The following ADGRV1 variants were observed in gnomAD, a reference collection of about 807,000 sequenced individuals.
ADGRV1 encodes the protein adhesion G protein-coupled receptor V1, also known as G-protein coupled receptor 98.
Under a neutral mutation model 596.2 loss-of-function variants are expected in ADGRV1, and 359 were observed. The ratio of observed to expected loss-of-function variants is 0.60; its 90% confidence interval spans 0.55 to 0.66. ADGRV1 has a LOEUF of 0.66. ADGRV1 is among the 30% of genes least tolerant of loss of function. The pLI, the probability that ADGRV1 is intolerant of heterozygous loss-of-function variation, is 0.00. For synonymous variants in ADGRV1, 2,681 were observed against 2,679.2 expected (o/e 1.00, Z -0.02); for missense variants, 7,274 against 7,575.6 (o/e 0.96, Z 1.48).
Position 90,750,721 on chromosome 5 carries a change from G to A in ADGRV1, c.11121+24G>A. The A allele has an allele frequency of 2.5e-6, 4 of 1,590,176 alleles. No homozygotes were observed. The South Asian group carries it at 4.4e-5, about 18-fold the overall frequency. ...TGGTATGTAATTTACAAAGTTATAGGAAACACTTTTAAATTATGGTTACTA... is the reference window on the plus strand; with the variant it reads ...TGGTATGTAATTTACAAAGTTATAGAAAACACTTTTAAATTATGGTTACTA... On this transcript the variant is annotated intron_variant, in intron 53 of 89. Coordinates refer to ENST00000405460, the MANE Select transcript of ADGRV1 (RefSeq NM_032119.4).
intron 85 of ADGRV1, among the ~76,000 whole-genome samples, chr5:90,988,625 A>C (rs575202672): frequency 6.6e-6 from 1 of 151,938 alleles, no homozygotes; most frequent in East Asian, 1.9e-4. Context: ...TCTTTACCAG[A>C]GTGACACACA....
At chr5:90,888,540 C>T (rs1179823637) in intron 83 of ADGRV1, among the ~76,000 whole-genome samples, 20 of 152,076 alleles carry the variant, frequency 1.3e-4, no homozygotes, top group Non-Finnish European at 1.5e-5. Flanking sequence ...TATAAATGTG[C>T]TTGTGGACTT....
chr5:90,835,459 G>A (rs1226134078), intron 77 of ADGRV1, among the ~76,000 whole-genome samples: 1 of 152,184 alleles, frequency 6.6e-6, no homozygotes, highest in East Asian at 1.9e-4. Flanking sequence ...AAGGACTCTT[G>A]TGGTCACTGC....
At chr5:90,944,768 CAT>C (rs930666394) in intron 83 of ADGRV1, among the ~76,000 whole-genome samples, 3 of 152,138 alleles carry the variant, frequency 2.0e-5, no homozygotes, top group Non-Finnish European at 2.9e-5. Flanking sequence ...CTGTTGGAAA[CAT>C]GTCATCAATT....
chr5:91,158,849 GTGGATGGATGGATGGATGGATGGA>G (rs35809247), intron 89 of ADGRV1, among the ~76,000 whole-genome samples: 6 of 146,106 alleles, frequency 4.1e-5, no homozygotes, highest in African/African-American at 1.0e-4. Flanking sequence ...ACATGGATGG[GTGGATGGATGGATGGATGGATGGA>G]TGGATGGATG....
intron 87 of ADGRV1, among the ~76,000 whole-genome samples, chr5:91,110,472 T>G (rs1792271584): frequency 6.6e-6 from 1 of 152,180 alleles, no homozygotes; most frequent in Admixed American, 6.6e-5. Context: ...CACTCATTAT[T>G]AAATATTTTG....
chr5:90,927,346 A>T (rs1313419588), intron 83 of ADGRV1, among the ~76,000 whole-genome samples: 3 of 151,968 alleles, frequency 2.0e-5, no homozygotes, highest in African/African-American at 4.8e-5. Flanking sequence ...TATTTAGGAT[A>T]GTTAGCTCTT....
At chr5:90,615,068 C>T in intron 2 of ADGRV1, 49 bp downstream of exon 2, 9 of 1,202,970 alleles carry the variant, frequency 7.5e-6, no homozygotes, top group African/African-American at 1.6e-5. Flanking sequence ...TATGACGTTT[C>T]TTAGTTTTAA....
chr5:90,681,850 TTTCC>T (rs201876241), intron 27 of ADGRV1, among the ~76,000 whole-genome samples: 1,550 of 123,440 alleles, frequency 0.013, 26 homozygotes, highest in African/African-American at 0.048. Context: ...CCCTTCCTTC[TTTCC>T]TTCCTTCCTT....
chr5:90,974,056 C>T (rs570334219), intron 84 of ADGRV1, among the ~76,000 whole-genome samples: 4 of 152,094 alleles, frequency 2.6e-5, no homozygotes, highest in African/African-American at 7.2e-5. Context: ...ACACCAATAA[C>T]AGACAAACAG....
At chr5:91,127,421 C>T (rs1793854626) in intron 87 of ADGRV1, among the ~76,000 whole-genome samples, 1 of 151,656 alleles carries the variant, frequency 6.6e-6, no homozygotes, top group African/African-American at 2.4e-5. Flanking sequence ...GCCTATAGTC[C>T]CAGCTACTCC....
At chr5:90,949,169 A>G (rs1280893351) in intron 83 of ADGRV1, among the ~76,000 whole-genome samples, 2 of 152,186 alleles carry the variant, frequency 1.3e-5, no homozygotes, top group Non-Finnish European at 2.9e-5. Flanking sequence ...AAGTTCATGA[A>G]TAGGCAAAAT....
At chr5:91,099,632 G>A (rs1483667505) in intron 86 of ADGRV1, among the ~76,000 whole-genome samples, 1 of 152,140 alleles carries the variant, frequency 6.6e-6, no homozygotes, top group Admixed American at 6.5e-5. Flanking sequence ...ATAGCGGGGT[G>A]CGGTGGCTCA....
chr5:90,935,962 C>T (rs904116193), intron 83 of ADGRV1, among the ~76,000 whole-genome samples: 4 of 151,858 alleles, frequency 2.6e-5, no homozygotes, highest in Admixed American at 2.0e-4. Context: ...GCACTACAGC[C>T]TGAGCAACAT....
intron 83 of ADGRV1, among the ~76,000 whole-genome samples, chr5:90,891,770 A>G (rs983669500): frequency 2.0e-5 from 3 of 151,966 alleles, no homozygotes; most frequent in African/African-American, 7.2e-5. Context: ...GTTATTGACA[A>G]TGAAGGGAAG....
intron 76 of ADGRV1, among the ~76,000 whole-genome samples, chr5:90,827,557 G>T (rs1031586143): frequency 6.6e-6 from 1 of 152,146 alleles, no homozygotes; most frequent in East Asian, 1.9e-4. Context: ...GTAATATACC[G>T]AAATCCTTAG....
At chr5:90,718,216 A>G (rs1261757237) in intron 43 of ADGRV1, 2 of 152,174 alleles carry the variant, frequency 1.3e-5, no homozygotes, top group African/African-American at 4.8e-5. Context: ...GATATTTCGC[A>G]TATGTGAAAT....
At position 90,813,142 on chromosome 5, in the gene ADGRV1, A is replaced by AAAAAAAAAAAC. The variant is rs1235576291; in HGVS notation, c.16078+1814_16078+1815insCAAAAAAAAAA. On this transcript the variant is annotated intron_variant, in intron 74 of 89. Coordinates refer to ENST00000405460, the MANE Select transcript of ADGRV1 (RefSeq NM_032119.4). ...AGTAAGACTCCGTCTCAAAAAAAAAAAAAAAAAAAAAAAAAAAAAAAATTT... is the reference window on the plus strand; with the variant it reads ...AGTAAGACTCCGTCTCAAAAAAAAAAAAAAAAAAAACAAAAAAAAAAAAAAAAAAAAAATTT... Among the ~76,000 whole-genome samples the AAAAAAAAAAAC allele has an allele frequency of 2.3e-5, 2 of 86,076 alleles. 1 individual carries two copies. The highest frequency in any genetic ancestry group is 4.7e-5 in the Non-Finnish European group (2 of 42,984). 56.5% of individuals were successfully genotyped at this position (86,076 alleles called of 152,430 possible). A position where few individuals can be genotyped will look rare whatever the true frequency, so the allele number is the denominator to read the frequency against.
At chr5:90,682,713 G>A (rs79560101) in intron 27 of ADGRV1, among the ~76,000 whole-genome samples, 3,691 of 152,198 alleles carry the variant, frequency 0.024, 80 homozygotes, top group Middle Eastern at 0.044. Flanking sequence ...TAAGGGAAAG[G>A]ATCAACTTTT....
Sources: allele counts gnomAD v4.1 joint callset (sites outside exome capture counted in the v4.1 genomes callset), GRCh38; gene constraint gnomAD v4.1.1; transcripts MANE v1.5; gene names NCBI Gene and HGNC (gene_info 2026-07-23, HGNC 2026-07-21).